ILDR1: variants seen among roughly 807,000 people sequenced by gnomAD.
ILDR1 encodes the protein immunoglobulin like domain containing receptor 1.
ILDR1 carries 56 observed loss-of-function variants against 62.4 expected under a neutral mutation model. That is an observed-to-expected ratio of 0.90 (90% CI 0.72 to 1.12). ILDR1 has a LOEUF of 1.12. Among genes scored for constraint, ILDR1 ranks in the 50% most tolerant of loss-of-function variants. ILDR1 has a pLI of 0.00. For synonymous variants in ILDR1, 284 were observed against 277.8 expected, an observed-to-expected ratio of 1.02 and a Z score of -0.22; for missense variants, 736 against 710.6, an observed-to-expected ratio of 1.04 and a Z score of -0.41.
At chr3:122,052,683 C>A in the ILDR1 span, among the ~76,000 whole-genome samples, 1 of 152,208 alleles carries the variant, frequency 6.6e-6, no homozygotes, top group Admixed American at 6.5e-5. Context: ...AAGCAATTCT[C>A]CTGCCTCGGC....
chr3:122,032,108 C>CT, the ILDR1 span, among the ~76,000 whole-genome samples: 1 of 152,250 alleles, frequency 6.6e-6, no homozygotes, highest in Non-Finnish European at 1.5e-5. Flanking sequence ...TTGTAACTCT[C>CT]TTGTAACCCT....
At chr3:121,989,863 A>G (rs1576710862) in intron 7 of ILDR1, among the ~76,000 whole-genome samples, 1 of 117,606 alleles carries the variant, frequency 8.5e-6, no homozygotes, top group African/African-American at 3.0e-5. Context: ...GTCAATATCT[A>G]TTTGTCAAAT....
the ILDR1 span, among the ~76,000 whole-genome samples, chr3:122,047,518 C>T: frequency 1.3e-5 from 2 of 152,252 alleles, no homozygotes; most frequent in African/African-American, 2.4e-5. Context: ...CCCAGCCTCG[C>T]TGCCGCCTTG....
At chr3:122,057,575 C>T in the ILDR1 span, among the ~76,000 whole-genome samples, 1 of 151,786 alleles carries the variant, frequency 6.6e-6, no homozygotes, top group South Asian at 2.1e-4. Flanking sequence ...AATTTGAATC[C>T]CATCTGTAGG....
At chr3:122,001,930 A>G (rs1435120037) in intron 3 of ILDR1, 66 bp from the exon 4 acceptor site, 54 of 1,567,426 alleles carry the variant, frequency 3.4e-5, no homozygotes, top group Non-Finnish European at 4.5e-5. Context: ...AACCCATGAC[A>G]CCCTCAAGAC....
At position 121,993,412 on chromosome 3, in the gene ILDR1, C is replaced by G; in HGVS notation, c.1337G>C (p.Arg446Thr). The G allele has an allele frequency of 6.2e-7, 1 of 1,613,798 alleles. No homozygotes were observed. The highest frequency in any genetic ancestry group is 1.1e-5 in the South Asian group (1 of 91,070). Residue 446 changes from arginine (R) to threonine (T), a missense_variant, in exon 7 of 8, where the codon AGG becomes ACG. By Grantham distance (71) the Arg-to-Thr change is moderately conservative (BLOSUM62 -1). Transcript: ENST00000344209. ...CTCCCGGGGGCTGGGCCTGCGGGGC[C>G]TCTCCTGACAGCGGCTCCTGAAAGG... The part of the protein sequence containing the change: ...HPPFRSRCQE[R>T]PRRPSPREST...
At chr3:122,011,630 G>T (rs144376567) in intron 1 of ILDR1, among the ~76,000 whole-genome samples, 1 of 125,542 alleles carries the variant, frequency 8.0e-6, no homozygotes. Flanking sequence ...GACCTCAAAC[G>T]TCCACCCCCT....
At chr3:122,052,215 C>T in the ILDR1 span, among the ~76,000 whole-genome samples, 1 of 152,140 alleles carries the variant, frequency 6.6e-6, no homozygotes, top group Admixed American at 6.5e-5. Context: ...TAGCATCATG[C>T]TATTTAGCTC....
chr3:122,001,887 G>C (rs770575730), intron 3 of ILDR1, 23 bp from the exon 4 acceptor site: 3 of 1,612,544 alleles, frequency 1.9e-6, no homozygotes, highest in Non-Finnish European at 2.5e-6. Flanking sequence ...GAGGGAGAAA[G>C]TGCCAGTGTC....
chr3:122,036,342 C>T, the ILDR1 span, among the ~76,000 whole-genome samples: 3 of 152,070 alleles, frequency 2.0e-5, no homozygotes, highest in Non-Finnish European at 2.9e-5. Context: ...GTAATCCCAG[C>T]ACTTTGGGAG....
upstream of ILDR1, among the ~76,000 whole-genome samples, chr3:122,025,669 G>T (rs72965418): frequency 6.6e-6 from 1 of 152,034 alleles, no homozygotes; most frequent in Admixed American, 6.5e-5. Context: ...GTGCATCTGT[G>T]TTAGAATAAT....
upstream of ILDR1, chr3:122,025,170 A>G (rs2071909820): frequency 6.6e-6 from 1 of 152,226 alleles, no homozygotes. Flanking sequence ...ACATTGTCTT[A>G]GGCACTATTC....
the ILDR1 span, among the ~76,000 whole-genome samples, chr3:122,035,495 A>G: frequency 6.6e-6 from 1 of 152,132 alleles, no homozygotes; most frequent in Non-Finnish European, 1.5e-5. Flanking sequence ...CTCAAATCTT[A>G]TGTCAAATTG....
chr3:122,027,553 C>A, the ILDR1 span, among the ~76,000 whole-genome samples: 1 of 152,032 alleles, frequency 6.6e-6, no homozygotes, highest in African/African-American at 2.4e-5. Flanking sequence ...GATAAGAACC[C>A]TCAGTATCAT....
At chr3:122,032,614 G>C in the ILDR1 span, among the ~76,000 whole-genome samples, 1 of 152,212 alleles carries the variant, frequency 6.6e-6, no homozygotes, top group Non-Finnish European at 1.5e-5. Flanking sequence ...GCTGGACTTA[G>C]TGACTTGCTT....
At chr3:122,026,216 G>T (rs2071920595), upstream of ILDR1, among the ~76,000 whole-genome samples, 1 of 152,198 alleles carries the variant, frequency 6.6e-6, no homozygotes, top group Non-Finnish European at 1.5e-5. Context: ...AATGAGAATT[G>T]CATTTTCGAA....
the ILDR1 span, among the ~76,000 whole-genome samples, chr3:122,049,624 G>C: frequency 6.6e-6 from 1 of 152,064 alleles, no homozygotes; most frequent in South Asian, 2.1e-4. Flanking sequence ...ATCATTATAT[G>C]ATGTCTTTCT....
chr3:121,998,059 G>A (rs575753174), intron 5 of ILDR1, among the ~76,000 whole-genome samples: 7 of 152,170 alleles, frequency 4.6e-5, no homozygotes, highest in Admixed American at 3.3e-4. Flanking sequence ...TGCTGAAATC[G>A]AGTCAGGCAG....
At chr3:122,058,271 C>T in the ILDR1 span, among the ~76,000 whole-genome samples, 4 of 152,122 alleles carry the variant, frequency 2.6e-5, no homozygotes, top group Non-Finnish European at 5.9e-5. Context: ...GCAGGACAAC[C>T]CCAAGTTGTG....
Sources: gnomAD v4.1 joint callset for allele counts (sites outside exome capture counted in the v4.1 genomes callset) on GRCh38, gnomAD v4.1.1 for gene constraint, MANE v1.5 for transcripts, NCBI Gene and HGNC (gene_info 2026-07-23, HGNC 2026-07-21) for gene names.